BRWD1: variants seen among roughly 807,000 people sequenced by gnomAD.
BRWD1 encodes the protein bromodomain and WD repeat domain containing 1.
In BRWD1, 82 loss-of-function variants were observed where a neutral mutation model predicts 251.2. That is an observed-to-expected ratio of 0.33 (90% CI 0.27 to 0.39). The LOEUF (loss-of-function observed/expected upper bound fraction) is 0.39. Among genes scored for constraint, BRWD1 ranks in the 10% least tolerant of loss-of-function variants. The pLI, the probability that BRWD1 is intolerant of heterozygous loss-of-function variation, is 1.00. For missense variants in BRWD1, 2,233 were observed against 2,711.6 expected (o/e 0.82, Z 3.92); for synonymous variants, 918 against 902.8 (o/e 1.02, Z -0.30).
chr21:39,268,294 G>C (rs2146665156), intron 15 of BRWD1, among the ~76,000 whole-genome samples: 1 of 152,048 alleles, frequency 6.6e-6, no homozygotes, highest in Non-Finnish European at 1.5e-5. Context: ...CAAAAAATTA[G>C]CTGGATGTGA....
rs981140088 is a variant in BRWD1 at position 39,188,557 on chromosome 21, C to T, written c.*7702G>A. 3 of 985,386 alleles carry T rather than the reference C, an allele frequency of 3.0e-6. No individual in the cohort carries two copies. The highest frequency in any genetic ancestry group is 3.5e-5 in the African/African-American group (2 of 57,352). The allele number at this position is 985,386 out of a possible 1,614,324, so 61.0% of individuals were successfully genotyped here. ...TTTTTCTTCTGTGAAGATGTTTGCC[C>T]TTCTGTCACAAAGCTGACTGAAGGG... is the stretch of plus-strand genomic sequence containing the variant. On this transcript the variant is annotated 3_prime_UTR_variant, in exon 41 of 41. Coordinates refer to ENST00000342449, the MANE Select transcript of BRWD1 (RefSeq NM_033656.4).
chr21:39,239,577 TAAG>T (rs2033921515), intron 21 of BRWD1, among the ~76,000 whole-genome samples: 1 of 152,218 alleles, frequency 6.6e-6, no homozygotes, highest in East Asian at 1.9e-4. Context: ...AGATTTACAG[TAAG>T]TCTTAATGCC....
intron 4 of BRWD1, among the ~76,000 whole-genome samples, chr21:39,309,641 A>G (rs1280185740): frequency 6.6e-6 from 1 of 151,400 alleles, no homozygotes; most frequent in East Asian, 2.0e-4. Context: ...TGGCTAACAC[A>G]GTGAAACCCC....
At chr21:39,216,330 GTAGT>G (rs2032890030) in intron 31 of BRWD1, among the ~76,000 whole-genome samples, 1 of 152,024 alleles carries the variant, frequency 6.6e-6, no homozygotes, top group Admixed American at 6.5e-5. Flanking sequence ...ATTTTTAAAT[GTAGT>G]TAAATAGAAA....
chr21:39,302,593 CTAA>C (rs749695053), intron 4 of BRWD1, among the ~76,000 whole-genome samples: 3 of 151,806 alleles, frequency 2.0e-5, no homozygotes, highest in Non-Finnish European at 4.4e-5. Context: ...CCCACCTCTA[CTAA>C]AAATACAAAA....
At chr21:39,198,686 G>A in intron 40 of BRWD1, 77 bp downstream of exon 40, 1 of 1,325,688 alleles carries the variant, frequency 7.5e-7, no homozygotes, top group Non-Finnish European at 1.0e-6. Flanking sequence ...ACTTTTTCGG[G>A]GGGAAAAAAC....
chr21:39,207,449 A>C (rs1433773836), intron 36 of BRWD1, among the ~76,000 whole-genome samples: 12 of 18,426 alleles, frequency 6.5e-4, no homozygotes, highest in African/African-American at 3.6e-3. Context: ...GAAAAAAAAG[A>C]AAACACACAC....
At chr21:39,266,090 A>T (rs2034911241) in intron 15 of BRWD1, among the ~76,000 whole-genome samples, 1 of 152,122 alleles carries the variant, frequency 6.6e-6, no homozygotes, top group Non-Finnish European at 1.5e-5. Context: ...GAGAAATGAG[A>T]CATCTACTCA....
intron 3 of BRWD1, 51 bp downstream of exon 3, chr21:39,313,021 C>G: frequency 7.9e-7 from 1 of 1,260,828 alleles, no homozygotes; most frequent in Non-Finnish European, 1.0e-6. Context: ...TCCCTCAGGG[C>G]AAGGTCGGCA....
Position 39,247,909 on chromosome 21 carries a change from A to G in BRWD1, c.2350-77T>C, listed in dbSNP as rs572914373. ...TATCAACAAAATGGGCATTCCGTCA[A>G]GTTTCCAGAAGGATTTAAAGCAAAA... On this transcript the variant is annotated intron_variant, in intron 20 of 40. Transcript: ENST00000342449. 5.5e-4 allele frequency: 776 copies of G among 1,404,322 alleles called. 12 individuals are homozygous for G. In the South Asian group the frequency reaches 8.8e-3, roughly 16 times the overall value. The allele number at this position is 1,404,322 out of a possible 1,614,324, so 87.0% of individuals were successfully genotyped here.
At chr21:39,227,711 C>A (rs1206574832) in intron 27 of BRWD1, among the ~76,000 whole-genome samples, 1 of 152,108 alleles carries the variant, frequency 6.6e-6, no homozygotes, top group Non-Finnish European at 1.5e-5. Context: ...CAAGTCTTCC[C>A]ATTTAAGTCT....
At chr21:39,291,095 G>A (rs924077619) in intron 8 of BRWD1, among the ~76,000 whole-genome samples, 12 of 152,068 alleles carry the variant, frequency 7.9e-5, no homozygotes, top group African/African-American at 1.7e-4. Context: ...ACAGCACTCC[G>A]CCTGGGCCAA....
chr21:39,265,992 TTTGG>T (rs1359906946), intron 15 of BRWD1, among the ~76,000 whole-genome samples: 1 of 152,230 alleles, frequency 6.6e-6, no homozygotes, highest in African/African-American at 2.4e-5. Context: ...AAGTTAGTTA[TTTGG>T]TTAACTCTAC....
chr21:39,294,484 T>TC (rs35723741), intron 7 of BRWD1, among the ~76,000 whole-genome samples: 5 of 151,908 alleles, frequency 3.3e-5, no homozygotes, highest in African/African-American at 1.2e-4. Context: ...AGTGAAACCT[T>TC]TCTACTAAAA....
chr21:39,258,725 A>G (rs2034642537), intron 17 of BRWD1, 53 bp from the exon 18 acceptor site: 2 of 1,314,478 alleles, frequency 1.5e-6, no homozygotes, highest in Non-Finnish European at 2.0e-6. Flanking sequence ...AAACAAAAAA[A>G]AATTTCGTTA....
At chr21:39,293,309 A>G (rs907568190) in intron 8 of BRWD1, among the ~76,000 whole-genome samples, 6 of 152,256 alleles carry the variant, frequency 3.9e-5, no homozygotes, top group Non-Finnish European at 8.8e-5. Flanking sequence ...CCTGCCCAAC[A>G]TGGTGAAACC....
In BRWD1 at chr21:39,313,620, G is replaced by A. The variant is rs1419704347; in HGVS notation, c.-129C>T. ...CCGCCGCCGCCGCCGCCGCCATACC[G>A]TGCGCGCCGCCTGGACCGACGCCTC... On this transcript the variant is annotated 5_prime_UTR_variant, in exon 1 of 41. The change creates a new upstream start codon in the 5' untranslated region. Coordinates refer to ENST00000342449, the MANE Select transcript of BRWD1 (RefSeq NM_033656.4). 7 of 703,630 alleles carry A rather than the reference G, an allele frequency of 9.9e-6. No homozygotes were observed. Among genetic ancestry groups the A allele is most frequent in the Non-Finnish European group, 1.4e-5 (7 of 510,932 alleles). The allele number at this position is 703,630 out of a possible 1,614,324, so 43.6% of individuals were successfully genotyped here. A position where few individuals can be genotyped will look rare whatever the true frequency, so the allele number is the denominator to read the frequency against.
chr21:39,214,903 CAG>C (rs2032819640), intron 32 of BRWD1, among the ~76,000 whole-genome samples: 2 of 121,182 alleles, frequency 1.7e-5, no homozygotes, highest in African/African-American at 6.4e-5. Context: ...TTTCTGGAGA[CAG>C]AGTTTTGCTC....
chr21:39,284,528 T>C (rs1280355543), intron 8 of BRWD1, among the ~76,000 whole-genome samples: 1 of 152,178 alleles, frequency 6.6e-6, no homozygotes. Flanking sequence ...GTTGTACTAA[T>C]TTACATTCTC....
Sources: allele counts gnomAD v4.1 joint callset (sites outside exome capture counted in the v4.1 genomes callset), GRCh38; gene constraint gnomAD v4.1.1; transcripts MANE v1.5; gene names NCBI Gene and HGNC (gene_info 2026-07-23, HGNC 2026-07-21).